Variants in BICD1 observed in about 807,000 individuals in gnomAD.
BICD1 encodes protein bicaudal D homolog 1.
BICD1 carries 35 observed loss-of-function variants against 92.5 expected under a neutral mutation model. The ratio of observed to expected loss-of-function variants is 0.38; its 90% CI spans 0.29 to 0.50. The LOEUF is 0.50. Among genes scored for constraint, BICD1 ranks in the 20% least tolerant of loss-of-function variants. BICD1 has a pLI of 0.93. For missense variants in BICD1, 950 were observed against 1,189.8 expected (o/e 0.80, Z 2.97); for synonymous variants, 429 against 465.1 (o/e 0.92, Z 1.00).
At chr12:32,115,563 C>A (rs752219156) in intron 1 of BICD1, among the ~76,000 whole-genome samples, 1 of 151,894 alleles carries the variant, frequency 6.6e-6, no homozygotes, top group South Asian at 2.1e-4. Flanking sequence ...GAAGAAAACC[C>A]GAGAAGCTCA....
chr12:32,270,126 A>G (rs1363779616), intron 2 of BICD1, among the ~76,000 whole-genome samples: 2 of 127,448 alleles, frequency 1.6e-5, no homozygotes, highest in Admixed American at 7.3e-5. Context: ...CTCTAAAAAA[A>G]AAAAAAAAAA....
intron 2 of BICD1, among the ~76,000 whole-genome samples, chr12:32,287,695 C>T (rs187948019): frequency 1.2e-3 from 188 of 152,256 alleles, no homozygotes; most frequent in Non-Finnish European, 2.3e-3. Context: ...CGCCACCACA[C>T]CTGGTTACTT....
chr12:32,287,532 TTTTTTTTTTTG>T (rs1350829973), intron 2 of BICD1, among the ~76,000 whole-genome samples: 3 of 109,082 alleles, frequency 2.8e-5, no homozygotes, highest in Non-Finnish European at 2.1e-5. Context: ...CTGGGTGGTG[TTTTTTTTTTTG>T]TTTTTTTTTT....
At chr12:32,113,964 C>G (rs113756173) in intron 1 of BICD1, among the ~76,000 whole-genome samples, 1 of 151,568 alleles carries the variant, frequency 6.6e-6, no homozygotes, top group Admixed American at 6.6e-5. Context: ...CTCTGCCTCC[C>G]GGGTTCAAGT....
intron 2 of BICD1, among the ~76,000 whole-genome samples, chr12:32,275,032 C>T (rs903891874): frequency 1.3e-4 from 19 of 151,818 alleles, no homozygotes; most frequent in African/African-American, 4.6e-4. Context: ...TAAATTCATG[C>T]TTGTAATTGA....
chr12:32,160,984 A>C (rs1288290675), intron 1 of BICD1, among the ~76,000 whole-genome samples: 1 of 152,208 alleles, frequency 6.6e-6, no homozygotes, highest in East Asian at 1.9e-4. Context: ...GAATAGGTTA[A>C]CTCTGTGGCT....
intron 1 of BICD1, among the ~76,000 whole-genome samples, chr12:32,189,934 A>G (rs1186417600): frequency 1.3e-5 from 2 of 152,048 alleles, no homozygotes; most frequent in Admixed American, 6.6e-5. Context: ...CCTGACCTCG[A>G]GTTATCTGCT....
intron 2 of BICD1, among the ~76,000 whole-genome samples, chr12:32,248,032 G>A (rs1212166969): frequency 2.6e-5 from 4 of 152,024 alleles, no homozygotes; most frequent in East Asian, 1.9e-4. Context: ...GCAGTGAGCC[G>A]AGATCGCACC....
chr12:32,112,026 G>A (rs556112406), intron 1 of BICD1, among the ~76,000 whole-genome samples: 1 of 79,202 alleles, frequency 1.3e-5, no homozygotes, highest in South Asian at 3.8e-4. Flanking sequence ...TTTTTTTTGA[G>A]ATGGAGTTTC....
intron 1 of BICD1, among the ~76,000 whole-genome samples, chr12:32,147,803 TA>T (rs1943159750): frequency 6.6e-6 from 1 of 152,148 alleles, no homozygotes; most frequent in African/African-American, 2.4e-5. Context: ...CAGGGCAGCC[TA>T]ACTGTACAGT....
intron 2 of BICD1, among the ~76,000 whole-genome samples, chr12:32,234,422 A>G (rs1485714245): frequency 6.6e-6 from 1 of 151,292 alleles, no homozygotes; most frequent in Non-Finnish European, 1.5e-5. Context: ...ACATGGAGAA[A>G]CCCCATCTCT....
chr12:32,178,808 T>C (rs1944191854), intron 1 of BICD1, among the ~76,000 whole-genome samples: 1 of 151,890 alleles, frequency 6.6e-6, no homozygotes, highest in Admixed American at 6.6e-5. Context: ...TTGGTAAAAA[T>C]GGCAGTTGTC....
chr12:32,186,130 C>CT (rs1944418323), intron 1 of BICD1, among the ~76,000 whole-genome samples: 1 of 152,138 alleles, frequency 6.6e-6, no homozygotes, highest in South Asian at 2.1e-4. Flanking sequence ...ACAAATGAAA[C>CT]TTTTTTGTAT....
chr12:32,107,588 C>A (rs1480787877), intron 1 of BICD1, 44 bp downstream of exon 1: 4 of 1,536,908 alleles, frequency 2.6e-6, no homozygotes, highest in Non-Finnish European at 3.5e-6. Context: ...CTCACTCCCC[C>A]CACCCGCAAG....
chr12:32,166,418 G>A (rs956965600), intron 1 of BICD1, among the ~76,000 whole-genome samples: 2 of 152,074 alleles, frequency 1.3e-5, no homozygotes, highest in African/African-American at 2.4e-5. Flanking sequence ...TTACAGGTGT[G>A]GGCCACCGCG....
At chr12:32,312,185 T>C (rs938782883) in intron 4 of BICD1, among the ~76,000 whole-genome samples, 1 of 144,922 alleles carries the variant, frequency 6.9e-6, no homozygotes, top group African/African-American at 2.6e-5. Flanking sequence ...CATGCCTTTG[T>C]TGGAACTATG....
chr12:32,299,167 C>T (rs955537329), intron 3 of BICD1, among the ~76,000 whole-genome samples: 48 of 152,118 alleles, frequency 3.2e-4, no homozygotes, highest in African/African-American at 1.0e-3. Context: ...TAACCTTGAC[C>T]GTCATGTAGT....
chr12:32,162,392 A>AAAT (rs1943624886), intron 1 of BICD1, among the ~76,000 whole-genome samples: 1 of 152,204 alleles, frequency 6.6e-6, no homozygotes, highest in East Asian at 1.9e-4. Context: ...CAGTGCCAAA[A>AAAT]AATAACTGAC....
intron 1 of BICD1, among the ~76,000 whole-genome samples, chr12:32,142,325 GA>G (rs1275235303): frequency 6.9e-6 from 1 of 143,896 alleles, no homozygotes; most frequent in African/African-American, 2.5e-5. Context: ...AGAATCGCTT[GA>G]ACCTGGGAGG....
Sources: allele counts gnomAD v4.1 joint callset (sites outside exome capture counted in the v4.1 genomes callset), GRCh38; gene constraint gnomAD v4.1.1; transcripts MANE v1.5; gene names NCBI Gene and HGNC (gene_info 2026-07-23, HGNC 2026-07-21).